GPHN: variants seen among roughly 807,000 people sequenced by gnomAD.
GPHN encodes the protein gephyrin.
Under a neutral mutation model 95.5 loss-of-function variants are expected in GPHN, and 17 were observed. The ratio of observed to expected loss-of-function variants is 0.18; its 90% CI spans 0.12 to 0.27. The LOEUF (loss-of-function observed/expected upper bound fraction) is 0.27, where lower values mean the gene tolerates loss of function less well. GPHN is among the 10% of genes least tolerant of loss of function. GPHN has a pLI of 1.00. For synonymous variants in GPHN, 320 were observed against 322.5 expected, an observed-to-expected ratio of 0.99 and a Z score of 0.08; for missense variants, 660 against 978.1, an observed-to-expected ratio of 0.67 and a Z score of 4.34.
At chr14:66,947,396 A>G (rs188837746) in intron 8 of GPHN, among the ~76,000 whole-genome samples, 5 of 152,326 alleles carry the variant, frequency 3.3e-5, no homozygotes, top group East Asian at 1.9e-4. Context: ...TTACAATTAT[A>G]TACTTATTCA....
chr14:67,608,505 C>T, the GPHN span, among the ~76,000 whole-genome samples: 1 of 152,154 alleles, frequency 6.6e-6, no homozygotes, highest in African/African-American at 2.4e-5. Context: ...CCCACTAATA[C>T]AGAGGGACAA....
rs145688997 is a variant in GPHN at position 66,809,066 on chromosome 14, G to A, written c.202-15408G>A. Among the ~76,000 whole-genome samples the A allele has an allele frequency of 4.0e-3, 607 of 152,274 alleles. 6 individuals are homozygous for A. The highest frequency in any genetic ancestry group is 5.6e-3 in the Non-Finnish European group (383 of 68,002). On this transcript the variant is annotated intron_variant, in intron 3 of 22. Transcript: ENST00000478722. ...GTTGGAGTCACATTTTAAAGGAGCT[G>A]TATGTTTTGGTCGGGGGCATAGTTT...
At chr14:66,808,940 T>G (rs2060654957) in intron 3 of GPHN, among the ~76,000 whole-genome samples, 1 of 152,122 alleles carries the variant, frequency 6.6e-6, no homozygotes, top group African/African-American at 2.4e-5. Flanking sequence ...TATGAACAAA[T>G]GTACTAAATG....
At chr14:67,608,027 G>A in the GPHN span, among the ~76,000 whole-genome samples, 1 of 151,830 alleles carries the variant, frequency 6.6e-6, no homozygotes, top group Non-Finnish European at 1.5e-5. Context: ...CCTTGAGCCC[G>A]AGAGTTTGAG....
the GPHN span, among the ~76,000 whole-genome samples, chr14:67,401,271 G>A: frequency 6.6e-6 from 1 of 151,700 alleles, no homozygotes; most frequent in Non-Finnish European, 1.5e-5. Context: ...AGGATTGCTT[G>A]AGCCCAGGAG....
chr14:66,985,055 AT>A (rs1349443199), intron 9 of GPHN, among the ~76,000 whole-genome samples: 4 of 152,306 alleles, frequency 2.6e-5, no homozygotes, highest in Non-Finnish European at 4.4e-5. Flanking sequence ...CAAGAGGAAA[AT>A]TCAGCTAAAA....
chr14:66,978,809 A>G (rs1567174670), intron 9 of GPHN, among the ~76,000 whole-genome samples: 1 of 152,216 alleles, frequency 6.6e-6, no homozygotes, highest in Non-Finnish European at 1.5e-5. Flanking sequence ...AATTATAGGA[A>G]TTACTATATG....
chr14:67,480,489 G>A, the GPHN span, among the ~76,000 whole-genome samples: 1 of 152,152 alleles, frequency 6.6e-6, no homozygotes, highest in African/African-American at 2.4e-5. Context: ...TGGAATGAAA[G>A]GGGCACAGCC....
chr14:66,563,476 T>C (rs1054214449), intron 1 of GPHN, among the ~76,000 whole-genome samples: 1 of 152,204 alleles, frequency 6.6e-6, no homozygotes, highest in African/African-American at 2.4e-5. Flanking sequence ...TAAATTTTTC[T>C]TGTGGGGCTG....
At chr14:67,351,362 GA>G in the GPHN span, among the ~76,000 whole-genome samples, 1 of 151,196 alleles carries the variant, frequency 6.6e-6, no homozygotes, top group Non-Finnish European at 1.5e-5. Context: ...AAGGTTTAAA[GA>G]AAAAAAACTG....
intron 1 of GPHN, among the ~76,000 whole-genome samples, chr14:66,536,404 A>G (rs1181516944): frequency 6.6e-6 from 1 of 152,200 alleles, no homozygotes; most frequent in Non-Finnish European, 1.5e-5. Flanking sequence ...TCCTAGGATA[A>G]ACGTTACTTT....
the GPHN span, among the ~76,000 whole-genome samples, chr14:67,444,018 G>T: frequency 6.6e-6 from 1 of 152,138 alleles, no homozygotes; most frequent in Non-Finnish European, 1.5e-5. Flanking sequence ...CTTTGGAGAG[G>T]CTAATCAGAA....
intron 5 of GPHN, among the ~76,000 whole-genome samples, chr14:66,905,719 C>T (rs1219867420): frequency 2.0e-5 from 3 of 152,048 alleles, no homozygotes; most frequent in African/African-American, 7.2e-5. Flanking sequence ...TCAGCCCTTG[C>T]CCCGCTCCCT....
chr14:66,788,722 C>A (rs905907726), intron 3 of GPHN, among the ~76,000 whole-genome samples: 1 of 152,072 alleles, frequency 6.6e-6, no homozygotes, highest in African/African-American at 2.4e-5. Flanking sequence ...AATGGTACAA[C>A]GTCAGCTCAC....
At chr14:66,629,157 ATATG>A (rs1566729071) in intron 1 of GPHN, among the ~76,000 whole-genome samples, 1 of 109,932 alleles carries the variant, frequency 9.1e-6, no homozygotes, top group Non-Finnish European at 1.8e-5. Flanking sequence ...ACATATATAA[ATATG>A]TATATAAATA....
intron 3 of GPHN, among the ~76,000 whole-genome samples, chr14:66,785,072 A>T (rs1362525190): frequency 6.6e-6 from 1 of 152,216 alleles, no homozygotes; most frequent in Non-Finnish European, 1.5e-5. Context: ...ATTTTAAAAA[A>T]AAAAGCAGGA....
At chr14:67,489,370 G>T in the GPHN span, among the ~76,000 whole-genome samples, 1 of 152,122 alleles carries the variant, frequency 6.6e-6, no homozygotes, top group Non-Finnish European at 1.5e-5. Context: ...TGCATGCAAG[G>T]GTCTTCAAGT....
chr14:67,203,336 T>G, the GPHN span: 5 of 1,480,296 alleles, frequency 3.4e-6, no homozygotes, highest in South Asian at 6.4e-5. Flanking sequence ...TCAGAAGATG[T>G]GCATTAGCCC....
At chr14:67,296,585 CAAAAAAAAAAA>C in the GPHN span, among the ~76,000 whole-genome samples, 1,570 of 51,032 alleles carry the variant, frequency 0.031, 26 homozygotes, top group Non-Finnish European at 0.072. Flanking sequence ...AACTCTGTCT[CAAAAAAAAAAA>C]AAAAAAAAAA....
Sources: gnomAD v4.1 joint callset for allele counts (sites outside exome capture counted in the v4.1 genomes callset) on GRCh38, gnomAD v4.1.1 for gene constraint, MANE v1.5 for transcripts, NCBI Gene and HGNC (gene_info 2026-07-23, HGNC 2026-07-21) for gene names.